Variants in PRKG2 observed in about 807,000 individuals in gnomAD.
PRKG2 encodes the protein cGMP-dependent protein kinase 2.
Under a neutral mutation model 97.2 loss-of-function variants are expected in PRKG2, and 33 were observed. The observed-to-expected ratio is 0.34, with a 90% CI of 0.26 to 0.45. The LOEUF (loss-of-function observed/expected upper bound fraction) is 0.45. PRKG2 is among the 20% of genes least tolerant of loss of function. PRKG2 has a pLI of 1.00. For synonymous variants in PRKG2, 330 were observed against 321.8 expected (o/e 1.03, Z -0.27); for missense variants, 638 against 900.0 (o/e 0.71, Z 3.73).
chr4:81,208,828 C>T (rs754620249), intron 1 of PRKG2, among the ~76,000 whole-genome samples: 1 of 152,088 alleles, frequency 6.6e-6, no homozygotes, highest in Non-Finnish European at 1.5e-5. Context: ...ACAAGTTCCC[C>T]ACCAAAAGAT....
chr4:81,126,355 A>G (rs1199875260), intron 14 of PRKG2, among the ~76,000 whole-genome samples: 5 of 152,180 alleles, frequency 3.3e-5, no homozygotes, highest in Non-Finnish European at 7.3e-5. Flanking sequence ...ATGTGTCTTT[A>G]TAGTAGAACG....
intron 14 of PRKG2, among the ~76,000 whole-genome samples, chr4:81,124,213 T>C (rs913387276): frequency 1.1e-4 from 17 of 152,358 alleles, no homozygotes; most frequent in Non-Finnish European, 1.9e-4. Context: ...ATTTACTTTT[T>C]TTCAGAACTT....
chr4:81,087,961 A>C lies in PRKG2; in HGVS notation c.*1747T>G, dbSNP rs1741244232. 6.6e-6 allele frequency: 1 copy of C among 152,106 alleles called. No individual in the cohort carries two copies. Among genetic ancestry groups the C allele is most frequent in the African/African-American group, 2.4e-5 (1 of 41,440 alleles). 9.4% of individuals were successfully genotyped at this position (152,106 alleles called of 1,614,324 possible). A position where few individuals can be genotyped will look rare whatever the true frequency, so the allele number is the denominator to read the frequency against. On this transcript the variant is annotated 3_prime_UTR_variant, in exon 19 of 19. Coordinates refer to ENST00000264399, the MANE Select transcript of PRKG2 (RefSeq NM_006259.3). ...AGTTCTAATATCCACCCAATACATA[A>C]ATTTTCTATCTTTATAGGTTGGAAA...
chr4:81,145,211 T>C (rs907460437), intron 9 of PRKG2, among the ~76,000 whole-genome samples: 3 of 152,134 alleles, frequency 2.0e-5, no homozygotes, highest in African/African-American at 7.2e-5. Context: ...TGAACTAGTT[T>C]ACAGTCCCAC....
chr4:81,144,897 G>C (rs568632819), intron 9 of PRKG2, among the ~76,000 whole-genome samples: 2 of 151,622 alleles, frequency 1.3e-5, no homozygotes, highest in Non-Finnish European at 2.9e-5. Context: ...TGAGAATGAT[G>C]GTTTCCAGCT....
intron 2 of PRKG2, among the ~76,000 whole-genome samples, chr4:81,180,032 C>T (rs994122926): frequency 8.6e-5 from 13 of 152,022 alleles, no homozygotes; most frequent in African/African-American, 3.1e-4. Context: ...ACTCGGGAGG[C>T]TGAGGCAGGA....
intron 18 of PRKG2, 152 bp downstream of exon 18, chr4:81,092,234 A>G (rs546220261): frequency 2.5e-5 from 13 of 510,282 alleles, no homozygotes; most frequent in Non-Finnish European, 6.9e-6. Context: ...AATCACAATT[A>G]TAAGACAAAC....
chr4:81,137,314 AT>A (rs1293500869), intron 13 of PRKG2, 78 bp downstream of exon 13: 1 of 1,040,418 alleles, frequency 9.6e-7, no homozygotes, highest in Non-Finnish European at 1.5e-6. Context: ...TAATTTCCTA[AT>A]GATTTCCTCT....
intron 2 of PRKG2, among the ~76,000 whole-genome samples, chr4:81,195,977 A>C (rs1752934663): frequency 6.6e-6 from 1 of 152,180 alleles, no homozygotes; most frequent in Non-Finnish European, 1.5e-5. Context: ...CACAGCAATG[A>C]TGACGGAAGG....
At chr4:81,180,519 A>G (rs1259713634) in intron 2 of PRKG2, among the ~76,000 whole-genome samples, 2 of 152,172 alleles carry the variant, frequency 1.3e-5, no homozygotes, top group African/African-American at 4.8e-5. Context: ...TTAATAAAAA[A>G]CATATTTCTA....
chr4:81,094,236 C>T (rs537246259), intron 17 of PRKG2, among the ~76,000 whole-genome samples: 1 of 152,022 alleles, frequency 6.6e-6, no homozygotes, highest in South Asian at 2.1e-4. Flanking sequence ...CTCTTACATA[C>T]AAGATACCAG....
Position 81,204,824 on chromosome 4 carries a change from T to C in PRKG2, c.224A>G (p.Lys75Arg), listed in dbSNP as rs371926830. 1 of 1,614,064 alleles carries C rather than the reference T, an allele frequency of 6.2e-7. No individual in the cohort carries two copies. The highest frequency in any genetic ancestry group is 1.3e-5 in the African/African-American group (1 of 74,920). Residue 75 changes from lysine to arginine, a missense_variant, in exon 2 of 19, where the codon AAG (lysine) becomes AGG (arginine). Physicochemically the swap from Lys to Arg is conservative, Grantham distance 26. This residue lies in a region of PRKG2 where 332 missense variants were observed against 421.7 expected (regional missense o/e 0.79). Transcript: ENST00000264399. ...IAELTEELQN[K>R]CIQLNKLQDV... ...CTGCAGCTTGTTCAGCTGGATGCAC[T>C]TGTTCTGGAGCTCCTCTGTGAGTTC...
At chr4:81,106,728 A>G (rs1743381208) in intron 15 of PRKG2, among the ~76,000 whole-genome samples, 3 of 152,178 alleles carry the variant, frequency 2.0e-5, no homozygotes, top group African/African-American at 7.2e-5. Context: ...CCCTAATCCC[A>G]GTGTGATGGT....
rs141271840 is a variant in PRKG2, at chr4:81,204,997, G to A, written c.51C>T (p.His17=). The part of the protein sequence containing the change: ...KPKHSKHPDG[H]SGNLTTDALR... ...GAGCATCAGTGGTGAGGTTCCCAGA[G>A]TGTCCATCTGGGTGCTTAGAATGTT... Residue 17 remains histidine, a synonymous_variant, in exon 2 of 19, where the codon CAC becomes CAT. Coordinates refer to ENST00000264399, the MANE Select transcript of PRKG2 (RefSeq NM_006259.3). The A allele has an allele frequency of 7.4e-6, 12 of 1,613,752 alleles. No homozygotes were observed. In the African/African-American group the frequency reaches 1.6e-4, roughly 22 times the overall value.
chr4:81,152,365 G>T (rs1261591973), intron 7 of PRKG2, among the ~76,000 whole-genome samples: 2 of 152,128 alleles, frequency 1.3e-5, no homozygotes, highest in African/African-American at 2.4e-5. Context: ...GATCCACAAA[G>T]CAAATAATAA....
intron 17 of PRKG2, among the ~76,000 whole-genome samples, chr4:81,102,476 G>A (rs1397813194): frequency 6.6e-6 from 1 of 152,168 alleles, no homozygotes; most frequent in Non-Finnish European, 1.5e-5. Flanking sequence ...ATTTCATGAT[G>A]AGAAAAGAAA....
At chr4:81,092,281 A>C (rs1385496203) in intron 18 of PRKG2, 105 bp downstream of exon 18, 1 of 632,542 alleles carries the variant, frequency 1.6e-6, no homozygotes, top group Non-Finnish European at 2.5e-6. Flanking sequence ...TTAAAAAAAA[A>C]CACCCAAAAT....
intron 1 of PRKG2, among the ~76,000 whole-genome samples, chr4:81,207,376 C>A (rs962830303): frequency 6.6e-6 from 1 of 152,080 alleles, no homozygotes; most frequent in Non-Finnish European, 1.5e-5. Context: ...TAAAAAAGCA[C>A]GCATAAAAAC....
rs59866145 is a variant in PRKG2, at chr4:81,092,465, AAAGG to A, written c.2127-17_2127-14del. 20,122 of 926,206 alleles carry A rather than the reference AAAGG, an allele frequency of 0.022. 652 individuals are homozygous for A. Among genetic ancestry groups the A allele is most frequent in the African/African-American group, 0.14 (6,604 of 48,682 alleles). The allele number at this position is 926,206 out of a possible 1,614,324, so 57.4% of individuals were successfully genotyped here. On this transcript the variant is annotated splice_polypyrimidine_tract_variant and intron_variant, in intron 17 of 18. Transcript: ENST00000264399. The stretch of plus-strand genomic sequence containing the variant: ...ACCATTTAACCACCTGAGAAATGAG[AAAGG>A]AAGGAAGGAAGGAAGGAAGGAAGGA...
Sources: allele counts gnomAD v4.1 joint callset (sites outside exome capture counted in the v4.1 genomes callset), GRCh38; gene constraint gnomAD v4.1.1; regional missense constraint gnomAD v4.1.1; transcripts MANE v1.5; gene names NCBI Gene and HGNC (gene_info 2026-07-23, HGNC 2026-07-21).